The following NREP variants were observed in gnomAD, a reference collection of about 807,000 sequenced individuals.
NREP encodes neuronal regeneration related protein.
Under a neutral mutation model 8.6 loss-of-function variants are expected in NREP, and 5 were observed. That is an observed-to-expected ratio of 0.58 (90% CI 0.30 to 1.22). NREP has a LOEUF of 1.22. Ranked by LOEUF, NREP falls within the 50% of genes most tolerant of loss-of-function variation. NREP has a pLI of 0.07. For missense variants in NREP, 86 were observed against 82.5 expected (o/e 1.04, Z -0.17); for synonymous variants, 27 against 28.0 (o/e 0.96, Z 0.11).
chr5:111,972,258 G>A (rs1321452963), intron 2 of NREP, among the ~76,000 whole-genome samples: 1 of 152,174 alleles, frequency 6.6e-6, no homozygotes, highest in East Asian at 1.9e-4. Context: ...AGAATGTAGT[G>A]TAAAGGGAAC....
chr5:111,897,990 C>G (rs1452712087), intron 2 of NREP, among the ~76,000 whole-genome samples: 1 of 152,016 alleles, frequency 6.6e-6, no homozygotes, highest in Non-Finnish European at 1.5e-5. Context: ...AAATTTTTCT[C>G]AAAATACAAC....
chr5:111,877,426 C>G (rs1261192986), intron 2 of NREP, among the ~76,000 whole-genome samples: 1 of 152,186 alleles, frequency 6.6e-6, no homozygotes, highest in Non-Finnish European at 1.5e-5. Context: ...CCATGGATCA[C>G]CAACATCAGA....
intron 2 of NREP, among the ~76,000 whole-genome samples, chr5:111,922,256 C>A (rs1230282167): frequency 6.6e-6 from 1 of 151,978 alleles, no homozygotes; most frequent in African/African-American, 2.4e-5. Flanking sequence ...ACTGGGGTCT[C>A]CAGGCACAAT....
intron 2 of NREP, among the ~76,000 whole-genome samples, chr5:111,957,549 A>G (rs1435264649): frequency 6.6e-6 from 1 of 151,420 alleles, no homozygotes; most frequent in Non-Finnish European, 1.5e-5. Flanking sequence ...AAAAAAGAAA[A>G]TGTGTTATCT....
At chr5:111,735,966 T>C (rs1172698288) in intron 2 of NREP, among the ~76,000 whole-genome samples, 1 of 152,078 alleles carries the variant, frequency 6.6e-6, no homozygotes, top group African/African-American at 2.4e-5. Context: ...TCTCTCCAAG[T>C]CCATGTGGCC....
upstream of NREP, among the ~76,000 whole-genome samples, chr5:111,761,363 A>G (rs751302429): frequency 2.2e-4 from 33 of 152,086 alleles, no homozygotes; most frequent in Non-Finnish European, 4.3e-4. Flanking sequence ...GCCTTTCCAC[A>G]TGCTATTCCT....
intron 2 of NREP, among the ~76,000 whole-genome samples, chr5:111,773,814 T>C (rs189933981): frequency 6.6e-6 from 1 of 152,298 alleles, no homozygotes; most frequent in East Asian, 1.9e-4. Flanking sequence ...CAAATTTGGT[T>C]CTGGCACACA....
intron 2 of NREP, among the ~76,000 whole-genome samples, chr5:111,851,067 GT>G (rs1753296998): frequency 6.6e-6 from 1 of 152,098 alleles, no homozygotes; most frequent in Admixed American, 6.6e-5. Context: ...TTCCTACTGG[GT>G]CATGACAATC....
At chr5:111,958,921 A>C (rs529498480) in intron 2 of NREP, among the ~76,000 whole-genome samples, 3 of 152,114 alleles carry the variant, frequency 2.0e-5, no homozygotes, top group South Asian at 2.1e-4. Flanking sequence ...AGAATGTACA[A>C]ATAAAGTAAT....
chr5:111,783,658 T>C (rs1751545323), intron 2 of NREP, among the ~76,000 whole-genome samples: 1 of 152,204 alleles, frequency 6.6e-6, no homozygotes, highest in African/African-American at 2.4e-5. Context: ...TGTTTTAGCT[T>C]GAATGAGTGA....
chr5:111,869,154 CT>C (rs2112493342), intron 2 of NREP, among the ~76,000 whole-genome samples: 1 of 152,238 alleles, frequency 6.6e-6, no homozygotes, highest in Non-Finnish European at 1.5e-5. Flanking sequence ...TATGCAAGTG[CT>C]TATGTCTCAT....
At chr5:111,907,806 T>G (rs1250151952) in intron 2 of NREP, among the ~76,000 whole-genome samples, 1 of 152,034 alleles carries the variant, frequency 6.6e-6, no homozygotes, top group Non-Finnish European at 1.5e-5. Flanking sequence ...GTCTTTTAAG[T>G]CTGTCCCATG....
At chr5:111,915,375 T>C (rs1193437941) in intron 2 of NREP, among the ~76,000 whole-genome samples, 4 of 151,998 alleles carry the variant, frequency 2.6e-5, no homozygotes, top group African/African-American at 9.7e-5. Flanking sequence ...TGAATCCTCA[T>C]TGCAGAGTTA....
At chr5:111,783,289 T>G (rs1751536362) in intron 2 of NREP, among the ~76,000 whole-genome samples, 1 of 152,226 alleles carries the variant, frequency 6.6e-6, no homozygotes, top group South Asian at 2.1e-4. Flanking sequence ...AATTCCTGCT[T>G]TAGCAGATTT....
At chr5:111,916,646 G>A (rs148438534) in intron 2 of NREP, among the ~76,000 whole-genome samples, 2 of 152,262 alleles carry the variant, frequency 1.3e-5, no homozygotes, top group East Asian at 3.9e-4. Flanking sequence ...CTTGCTGTGT[G>A]ATCATAAAAA....
At chr5:111,779,325 C>T (rs569620396) in intron 2 of NREP, among the ~76,000 whole-genome samples, 2 of 152,246 alleles carry the variant, frequency 1.3e-5, no homozygotes, top group South Asian at 2.1e-4. Context: ...CAGCTCTAGA[C>T]GCCAGTGTGC....
At chr5:111,865,712 G>C (rs1430302397) in intron 2 of NREP, among the ~76,000 whole-genome samples, 1 of 152,098 alleles carries the variant, frequency 6.6e-6, no homozygotes. Flanking sequence ...AGTGATCCCA[G>C]TTGATATGGG....
At chr5:111,746,057 G>T (rs141669677) in intron 2 of NREP, among the ~76,000 whole-genome samples, 1 of 152,014 alleles carries the variant, frequency 6.6e-6, no homozygotes, top group Non-Finnish European at 1.5e-5. Flanking sequence ...GTGACCCTCT[G>T]ACTTCATCTA....
chr5:111,745,300 C>T (rs897650392), intron 2 of NREP, among the ~76,000 whole-genome samples: 1 of 152,202 alleles, frequency 6.6e-6, no homozygotes, highest in South Asian at 2.1e-4. Flanking sequence ...CTCCAGTGTT[C>T]ATGTGTTGCT....
Sources: allele counts gnomAD v4.1 joint callset (sites outside exome capture counted in the v4.1 genomes callset), GRCh38; gene constraint gnomAD v4.1.1; transcripts MANE v1.5; gene names NCBI Gene and HGNC (gene_info 2026-07-23, HGNC 2026-07-21).